The following PRKAR1B variants were observed in gnomAD, a reference collection of about 807,000 sequenced individuals.
PRKAR1B encodes cAMP-dependent protein kinase type I-beta regulatory subunit.
PRKAR1B carries 22 observed loss-of-function variants against 46.5 expected under a neutral mutation model. The observed-to-expected ratio is 0.47, with a 90% CI of 0.34 to 0.68. The LOEUF is 0.68. Ranked by LOEUF, PRKAR1B falls within the 30% of genes least tolerant of loss-of-function variation. PRKAR1B has a pLI of 0.01. For missense variants in PRKAR1B, 445 were observed against 535.6 expected (o/e 0.83, Z 1.67); for synonymous variants, 259 against 217.7 (o/e 1.19, Z -1.67).
At chr7:660,286 G>C (rs1457282614) in intron 4 of PRKAR1B, among the ~76,000 whole-genome samples, 4 of 151,958 alleles carry the variant, frequency 2.6e-5, no homozygotes, top group Non-Finnish European at 4.4e-5. Context: ...TAGCTCAATG[G>C]GGCCCAAGTC....
chr7:658,547 G>A (rs1785329717), intron 4 of PRKAR1B, among the ~76,000 whole-genome samples: 2 of 152,224 alleles, frequency 1.3e-5, no homozygotes, highest in African/African-American at 4.8e-5. Context: ...AGGGAAGAGA[G>A]ATGAGAGCAG....
In PRKAR1B at chr7:682,742, C is replaced by CA. The variant is rs879378136; in HGVS notation, c.178-2017dup. 7.2e-3 allele frequency among the ~76,000 whole-genome samples: 895 copies of CA among 124,600 alleles called. 5 individuals carry two copies. Among genetic ancestry groups the CA allele is most frequent in the African/African-American group, 0.018 (612 of 33,996 alleles). The allele number at this position is 124,600 out of a possible 152,430, so 81.7% of individuals were successfully genotyped here. A position where few individuals can be genotyped will look rare whatever the true frequency, so the allele number is the denominator to read the frequency against. On this transcript the variant is annotated intron_variant, in intron 2 of 10. Coordinates refer to ENST00000537384, the MANE Select transcript of PRKAR1B (RefSeq NM_001164760.2). ...TGGATGACAGAGCGAGACTCTGTCT[C>CA]AAAAAAAAAAAAAAATTGTTTTAAG...
intron 4 of PRKAR1B, among the ~76,000 whole-genome samples, chr7:664,457 C>A (rs1241311636): frequency 6.6e-6 from 1 of 152,202 alleles, no homozygotes; most frequent in Non-Finnish European, 1.5e-5. Context: ...GCCTCGGGTC[C>A]CCATCCACAT....
chr7:720,597 C>T (rs1781039365), intron 1 of PRKAR1B, among the ~76,000 whole-genome samples: 1 of 152,252 alleles, frequency 6.6e-6, no homozygotes, highest in African/African-American at 2.4e-5. Flanking sequence ...TCAACTGCAA[C>T]AGCAGGCTTG....
At chr7:583,520 C>CACACACGT (rs1780377673) in intron 8 of PRKAR1B, among the ~76,000 whole-genome samples, 5 of 122,678 alleles carry the variant, frequency 4.1e-5, no homozygotes, top group Admixed American at 1.5e-4. Flanking sequence ...CCCACACACG[C>CACACACGT]GTGCACACAC....
intron 4 of PRKAR1B, among the ~76,000 whole-genome samples, chr7:627,115 C>T (rs555780827): frequency 3.3e-5 from 5 of 152,222 alleles, no homozygotes; most frequent in African/African-American, 4.8e-5. Context: ...CCTCGTGATC[C>T]GCCCACCTCG....
chr7:669,361 A>C (rs556330800), intron 4 of PRKAR1B, among the ~76,000 whole-genome samples: 1 of 152,240 alleles, frequency 6.6e-6, no homozygotes, highest in African/African-American at 2.4e-5. Context: ...TGACTGCTGA[A>C]TAAGTGTGGG....
chr7:724,792 G>C (rs1381909651), intron 1 of PRKAR1B, among the ~76,000 whole-genome samples: 1 of 152,184 alleles, frequency 6.6e-6, no homozygotes, highest in African/African-American at 2.4e-5. Context: ...GGGAGAGCAG[G>C]GACCATGGCC....
chr7:715,597 A>T (rs1780843832), intron 1 of PRKAR1B, among the ~76,000 whole-genome samples: 1 of 152,136 alleles, frequency 6.6e-6, no homozygotes, highest in East Asian at 1.9e-4. Flanking sequence ...CAGCAAAGGT[A>T]TTCACATTTC....
intron 4 of PRKAR1B, among the ~76,000 whole-genome samples, chr7:615,191 C>T (rs1316093111): frequency 6.6e-6 from 1 of 152,072 alleles, no homozygotes; most frequent in Non-Finnish European, 1.5e-5. Context: ...TTTGGAAGCC[C>T]AAGGCAGGCG....
At chr7:618,858 C>T (rs1782970112) in intron 4 of PRKAR1B, among the ~76,000 whole-genome samples, 1 of 152,198 alleles carries the variant, frequency 6.6e-6, no homozygotes, top group Non-Finnish European at 1.5e-5. Flanking sequence ...ACGCAGTCAC[C>T]TGTTAACTTT....
chr7:686,108 G>A (rs533159062), intron 2 of PRKAR1B, among the ~76,000 whole-genome samples: 43 of 152,164 alleles, frequency 2.8e-4, no homozygotes, highest in African/African-American at 1.0e-3. Context: ...AGACCATCCT[G>A]GCTAACACAG....
chr7:552,761 C>A (rs1784327741), intron 9 of PRKAR1B, among the ~76,000 whole-genome samples: 1 of 152,222 alleles, frequency 6.6e-6, no homozygotes, highest in Non-Finnish European at 1.5e-5. Flanking sequence ...ATCTTTGTCA[C>A]AGGGCTGCCG....
rs1778726174 is a variant in PRKAR1B, at chr7:560,643, G to C, written c.892-9173C>G. Among the ~76,000 whole-genome samples, 1 of 152,154 alleles carries C rather than the reference G, an allele frequency of 6.6e-6. No homozygotes were observed. Among genetic ancestry groups the C allele is most frequent in the African/African-American group, 2.4e-5 (1 of 41,440 alleles). On this transcript the variant is annotated intron_variant, in intron 9 of 10. Coordinates refer to ENST00000537384, the MANE Select transcript of PRKAR1B (RefSeq NM_001164760.2). This position sits in a 1 kb window ranked among gnomAD's most constrained non-coding sequence, Gnocchi z 4.2. ...GTCGAAGAGTCTGGGTCCAGCCTCA[G>C]CTCTGCAATGCACCAGCCAGTCTCA...
At chr7:620,306 A>C (rs1464377083) in intron 4 of PRKAR1B, among the ~76,000 whole-genome samples, 1 of 152,202 alleles carries the variant, frequency 6.6e-6, no homozygotes, top group East Asian at 1.9e-4. Flanking sequence ...CTCCCTATTC[A>C]GATCGTGTTT....
At chr7:671,055 C>G (rs1003603900) in intron 4 of PRKAR1B, among the ~76,000 whole-genome samples, 1 of 152,218 alleles carries the variant, frequency 6.6e-6, no homozygotes, top group African/African-American at 2.4e-5. Context: ...GTGAGTGGTT[C>G]TGTCTGACAA....
At chr7:612,977 G>A (rs930944858) in intron 4 of PRKAR1B, among the ~76,000 whole-genome samples, 1 of 152,132 alleles carries the variant, frequency 6.6e-6, no homozygotes, top group African/African-American at 2.4e-5. Context: ...CAGCAATACA[G>A]GCTTTATTAA....
chr7:683,967 C>A (rs1778853784), intron 2 of PRKAR1B, among the ~76,000 whole-genome samples: 1 of 151,900 alleles, frequency 6.6e-6, no homozygotes, highest in Non-Finnish European at 1.5e-5. Flanking sequence ...TGATGCCCAT[C>A]TCCGTGTGCC....
intron 9 of PRKAR1B, among the ~76,000 whole-genome samples, chr7:570,958 C>T (rs1032045414): frequency 2.0e-5 from 3 of 152,222 alleles, no homozygotes; most frequent in Admixed American, 1.3e-4. Flanking sequence ...AAGCATCTCA[C>T]GCCCCTAGAA....
Sources: gnomAD v4.1 joint callset for allele counts (sites outside exome capture counted in the v4.1 genomes callset) on GRCh38, gnomAD v4.1.1 for gene constraint, Gnocchi (gnomAD v3.1) non-coding constraint, MANE v1.5 for transcripts, NCBI Gene and HGNC (gene_info 2026-07-23, HGNC 2026-07-21) for gene names.